S100A8: variants seen among roughly 807,000 people sequenced by gnomAD.
S100A8 encodes the protein S100 calcium binding protein A8.
A neutral mutation model predicts 4.2 loss-of-function variants in S100A8; 1 was observed. The observed-to-expected ratio is 0.24, with a 90% CI of 0.08 to 1.12. The LOEUF is 1.12. Among genes scored for constraint, S100A8 ranks in the 50% most tolerant of loss-of-function variants. The probability of loss-of-function intolerance (pLI) is 0.53; values close to 1 mark genes in which losing one functional copy is unlikely to be tolerated. For synonymous variants in S100A8, 41 were observed against 44.7 expected (o/e 0.92, Z 0.33); for missense variants, 96 against 111.8 (o/e 0.86, Z 0.64).
upstream of S100A8, among the ~76,000 whole-genome samples, chr1:153,394,131 C>T (rs73018466): frequency 0.01 from 1,574 of 152,266 alleles, 5 homozygotes; most frequent in Non-Finnish European, 0.016. Flanking sequence ...CTAGAGGGAG[C>T]GGAACCTGGT....
chr1:153,406,745 A>G, the S100A8 span, among the ~76,000 whole-genome samples: 6 of 152,066 alleles, frequency 3.9e-5, no homozygotes, highest in Non-Finnish European at 7.4e-5. Flanking sequence ...TCCTGTTCAC[A>G]ATCAGCCTGT....
chr1:153,406,509 C>G, the S100A8 span, among the ~76,000 whole-genome samples: 1 of 151,880 alleles, frequency 6.6e-6, no homozygotes, highest in Non-Finnish European at 1.5e-5. Flanking sequence ...TCCACATCCA[C>G]TCCATCTCCC....
At chr1:153,411,371 C>T in the S100A8 span, among the ~76,000 whole-genome samples, 4 of 152,156 alleles carry the variant, frequency 2.6e-5, no homozygotes, top group African/African-American at 7.2e-5. Flanking sequence ...GAGTGAACTC[C>T]CATTCACAAT....
At chr1:153,421,660 A>C in the S100A8 span, 1 of 152,222 alleles carries the variant, frequency 6.6e-6, no homozygotes. Context: ...ATGACTGAAC[A>C]GTTCCCTCAG....
chr1:153,403,134 G>A, the S100A8 span, among the ~76,000 whole-genome samples: 1 of 152,190 alleles, frequency 6.6e-6, no homozygotes, highest in Admixed American at 6.5e-5. Flanking sequence ...AAGTCATAAA[G>A]CCTCAGTAGC....
chr1:153,397,151 C>T, the S100A8 span, among the ~76,000 whole-genome samples: 1 of 152,228 alleles, frequency 6.6e-6, no homozygotes, highest in African/African-American at 2.4e-5. Context: ...TGGAGAAACA[C>T]CCCAGCCAGG....
the S100A8 span, among the ~76,000 whole-genome samples, chr1:153,405,083 T>TC: frequency 6.1e-5 from 9 of 146,350 alleles, no homozygotes; most frequent in African/African-American, 1.3e-4. Context: ...CTTCCTGGAG[T>TC]CCCCCCCACC....
At chr1:153,418,864 G>A in the S100A8 span, among the ~76,000 whole-genome samples, 1 of 152,238 alleles carries the variant, frequency 6.6e-6, no homozygotes, top group East Asian at 1.9e-4. Flanking sequence ...ATTGAGGCTG[G>A]GGCAGGGGAC....
At chr1:153,417,444 T>C in the S100A8 span, among the ~76,000 whole-genome samples, 1 of 152,094 alleles carries the variant, frequency 6.6e-6, no homozygotes, top group Non-Finnish European at 1.5e-5. Flanking sequence ...TTCTTGTTTC[T>C]CATTCCCAAG....
chr1:153,409,944 A>G, the S100A8 span, among the ~76,000 whole-genome samples: 1 of 152,262 alleles, frequency 6.6e-6, no homozygotes, highest in Non-Finnish European at 1.5e-5. Context: ...GAACAAAGAC[A>G]CAACATACCA....
chr1:153,397,025 C>A, the S100A8 span, among the ~76,000 whole-genome samples: 1 of 152,250 alleles, frequency 6.6e-6, no homozygotes, highest in African/African-American at 2.4e-5. Flanking sequence ...GTAAACTGGG[C>A]ACCATTGATG....
In S100A8 at chr1:153,390,610, C is replaced by A. The variant is rs1662069332; in HGVS notation, c.-22-53G>T. 12 of 1,594,356 alleles carry A rather than the reference C, an allele frequency of 7.5e-6. No individual in the cohort carries two copies. The South Asian group carries it at 1.2e-4, about 17-fold the overall frequency. On this transcript the variant is annotated intron_variant, in intron 1 of 2. Coordinates refer to ENST00000368733, the MANE Select transcript of S100A8 (RefSeq NM_002964.5). ...CCATGGCAGGGAATTTGCATCTGGC[C>A]AGGGCAGTACGCAGAGGATTCATGC... is the stretch of plus-strand genomic sequence containing the variant.
chr1:153,404,229 C>T, the S100A8 span, among the ~76,000 whole-genome samples: 7 of 150,712 alleles, frequency 4.6e-5, no homozygotes, highest in Admixed American at 2.6e-4. Context: ...TGAACCCCAT[C>T]GTTTGGGGTT....
the S100A8 span, among the ~76,000 whole-genome samples, chr1:153,397,083 C>T: frequency 2.0e-5 from 3 of 152,238 alleles, no homozygotes; most frequent in South Asian, 2.1e-4. Context: ...CAGACGACTT[C>T]GCATCCACTG....
chr1:153,393,508 C>A (rs1203061664), upstream of S100A8, among the ~76,000 whole-genome samples: 2 of 152,186 alleles, frequency 1.3e-5, no homozygotes, highest in Non-Finnish European at 2.9e-5. Flanking sequence ...GGCAGAAATT[C>A]TCTTTATCAC....
At chr1:153,416,604 A>G in the S100A8 span, 2 of 452,374 alleles carry the variant, frequency 4.4e-6, no homozygotes, top group Non-Finnish European at 8.9e-6. Context: ...AGAAGTGCCC[A>G]GTGCCCAGCC....
chr1:153,419,047 T>C, the S100A8 span: 1 of 1,308,922 alleles, frequency 7.6e-7, no homozygotes, highest in Non-Finnish European at 1.1e-6. Flanking sequence ...TGTGCAGATC[T>C]AGGTACTTGT....
At position 153,390,486 on chromosome 1, in the gene S100A8, T is replaced by C. The variant is rs1157014248; in HGVS notation, c.50A>G (p.His17Arg). 6.2e-7 allele frequency: 1 copy of C among 1,614,200 alleles called. No homozygotes were observed. Among genetic ancestry groups the C allele is most frequent in the South Asian group, 1.1e-5 (1 of 91,080 alleles). Residue 17 changes from histidine (H) to arginine (R), a missense_variant, in exon 2 of 3, where the codon CAC becomes CGC. Coordinates refer to ENST00000368733, the MANE Select transcript of S100A8 (RefSeq NM_002964.5). Reference sequence around the variant, plus strand: ...ATTCCCCTTTATCAGGGAGTACTTGTGGTAGACGTCGATGATAGAGTTCAA... The same window carrying C: ...ATTCCCCTTTATCAGGGAGTACTTGCGGTAGACGTCGATGATAGAGTTCAA... ...KALNSIIDVY[H>R]KYSLIKGNFH...
chr1:153,418,364 T>C, the S100A8 span: 1 of 1,147,760 alleles, frequency 8.7e-7, no homozygotes, highest in Non-Finnish European at 1.2e-6. Context: ...ATTGCTTGGA[T>C]CATATGTGAA....
Sources: gnomAD v4.1 joint callset for allele counts (sites outside exome capture counted in the v4.1 genomes callset) on GRCh38, gnomAD v4.1.1 for gene constraint, MANE v1.5 for transcripts, NCBI Gene and HGNC (gene_info 2026-07-23, HGNC 2026-07-21) for gene names.